The following ARHGAP24 variants were observed in gnomAD, a reference collection of about 807,000 sequenced individuals.
ARHGAP24 encodes the protein rho GTPase-activating protein 24.
In ARHGAP24, 50 loss-of-function variants were observed where a neutral mutation model predicts 76.4. That is an observed-to-expected ratio of 0.65 (90% CI 0.52 to 0.83). The LOEUF is 0.83. Ranked by LOEUF, ARHGAP24 falls within the 40% of genes least tolerant of loss-of-function variation. The probability of loss-of-function intolerance (pLI) is 0.00; values close to 1 mark genes in which losing one functional copy is unlikely to be tolerated. For synonymous variants in ARHGAP24, 345 were observed against 323.3 expected (o/e 1.07, Z -0.72); for missense variants, 930 against 914.2 (o/e 1.02, Z -0.22).
At chr4:85,537,148 C>G (rs961755485) in intron 1 of ARHGAP24, among the ~76,000 whole-genome samples, 2 of 152,106 alleles carry the variant, frequency 1.3e-5, no homozygotes, top group Non-Finnish European at 2.9e-5. Context: ...ATTCACACTT[C>G]AATCAATGGA....
At chr4:85,481,805 A>G (rs1211292005) in intron 1 of ARHGAP24, among the ~76,000 whole-genome samples, 2 of 152,186 alleles carry the variant, frequency 1.3e-5, no homozygotes, top group African/African-American at 4.8e-5. Flanking sequence ...TAAAACAAAA[A>G]AGGATGATTT....
chr4:85,672,662 G>A (rs776827572), intron 2 of ARHGAP24, among the ~76,000 whole-genome samples: 4 of 152,174 alleles, frequency 2.6e-5, no homozygotes, highest in Non-Finnish European at 5.9e-5. Flanking sequence ...CTGGGCTCTG[G>A]TGGTACAGGA....
At chr4:85,505,899 G>T (rs964328578) in intron 1 of ARHGAP24, among the ~76,000 whole-genome samples, 1 of 152,008 alleles carries the variant, frequency 6.6e-6, no homozygotes, top group African/African-American at 2.4e-5. Context: ...CCTACAGATG[G>T]GGTTTTGGTG....
chr4:85,894,980 A>C (rs9307012), intron 3 of ARHGAP24, among the ~76,000 whole-genome samples: 2 of 22,604 alleles, frequency 8.8e-5, no homozygotes, highest in Non-Finnish European at 1.9e-4. Flanking sequence ...AAAAAAAAAA[A>C]AAAAAAAACA....
intron 5 of ARHGAP24, among the ~76,000 whole-genome samples, chr4:85,943,534 C>T (rs556342319): frequency 3.9e-5 from 6 of 152,140 alleles, no homozygotes; most frequent in Non-Finnish European, 7.4e-5. Flanking sequence ...TAGGTATACA[C>T]GTGCCATGGT....
intron 1 of ARHGAP24, among the ~76,000 whole-genome samples, chr4:85,547,520 C>A (rs1322500796): frequency 6.6e-6 from 1 of 151,986 alleles, no homozygotes; most frequent in Non-Finnish European, 1.5e-5. Context: ...ACTGTAGTCT[C>A]GACCTCCCAG....
At position 85,689,756 on chromosome 4, in the gene ARHGAP24, G is replaced by A. The variant is rs539949897; in HGVS notation, c.181-32129G>A. Among the ~76,000 whole-genome samples, 5 of 152,254 alleles carry A rather than the reference G, an allele frequency of 3.3e-5. No homozygotes were observed. The South Asian group carries it at 6.2e-4, about 19-fold the overall frequency. Reference sequence around the variant, plus strand: ...CTAAAGTCATTTATTAGTTCTAGGAGCCTTTTGTCAGAGTCTTTAGGGTTT... The same window carrying A: ...CTAAAGTCATTTATTAGTTCTAGGAACCTTTTGTCAGAGTCTTTAGGGTTT... On this transcript the variant is annotated intron_variant, in intron 2 of 9. Coordinates refer to ENST00000395184, the MANE Select transcript of ARHGAP24 (RefSeq NM_001025616.3).
At chr4:85,497,026 A>G (rs1723611230) in intron 1 of ARHGAP24, among the ~76,000 whole-genome samples, 1 of 152,252 alleles carries the variant, frequency 6.6e-6, no homozygotes, top group South Asian at 2.1e-4. Context: ...GATATTTGGC[A>G]AATGCCCCGA....
At chr4:85,704,458 G>T (rs191921526) in intron 2 of ARHGAP24, among the ~76,000 whole-genome samples, 6 of 152,036 alleles carry the variant, frequency 3.9e-5, no homozygotes, top group Admixed American at 3.9e-4. Flanking sequence ...TGGAATGGAG[G>T]CCATCAAAAA....
intron 3 of ARHGAP24, among the ~76,000 whole-genome samples, chr4:85,869,635 C>A (rs981476302): frequency 2.0e-5 from 3 of 151,936 alleles, no homozygotes; most frequent in Non-Finnish European, 2.9e-5. Context: ...TTTTCCACAC[C>A]AAATTGGAGC....
chr4:85,682,575 G>T (rs999066403), intron 2 of ARHGAP24, among the ~76,000 whole-genome samples: 9 of 152,192 alleles, frequency 5.9e-5, no homozygotes, highest in African/African-American at 2.2e-4. Context: ...TGGAAATGCA[G>T]AATCATCAGT....
At chr4:85,949,691 C>CA (rs1213992142) in intron 5 of ARHGAP24, among the ~76,000 whole-genome samples, 1 of 152,174 alleles carries the variant, frequency 6.6e-6, no homozygotes, top group East Asian at 1.9e-4. Flanking sequence ...CCACTGCATA[C>CA]TCTTGGTCAA....
At chr4:85,522,853 C>A (rs565258910) in intron 1 of ARHGAP24, among the ~76,000 whole-genome samples, 1 of 152,282 alleles carries the variant, frequency 6.6e-6, no homozygotes, top group South Asian at 2.1e-4. Context: ...TGATTTGCCC[C>A]CACTTCAAGG....
intron 2 of ARHGAP24, among the ~76,000 whole-genome samples, chr4:85,577,169 T>C (rs1727411540): frequency 6.7e-6 from 1 of 150,094 alleles, no homozygotes; most frequent in Admixed American, 6.7e-5. Flanking sequence ...CTAATGTACC[T>C]ACAAGTATTA....
intron 3 of ARHGAP24, among the ~76,000 whole-genome samples, chr4:85,866,538 C>A (rs933575827): frequency 1.3e-5 from 2 of 152,016 alleles, no homozygotes; most frequent in Admixed American, 6.6e-5. Context: ...TGCTGGTTGT[C>A]AAGTCTATTT....
At chr4:85,516,588 A>AT (rs1198490350) in intron 1 of ARHGAP24, among the ~76,000 whole-genome samples, 1 of 148,868 alleles carries the variant, frequency 6.7e-6, no homozygotes, top group Non-Finnish European at 1.5e-5. Context: ...ATTTGTATGT[A>AT]TTTTTTTAAA....
intron 1 of ARHGAP24, among the ~76,000 whole-genome samples, chr4:85,544,322 T>C (rs1305811930): frequency 6.6e-6 from 1 of 152,244 alleles, no homozygotes; most frequent in Non-Finnish European, 1.5e-5. Flanking sequence ...TTTGTAACTA[T>C]GTTAAGCTTT....
intron 2 of ARHGAP24, among the ~76,000 whole-genome samples, chr4:85,700,701 G>A (rs7439720): frequency 0.64 from 97,705 of 151,906 alleles, 33,826 homozygotes; most frequent in Non-Finnish European, 0.79. Flanking sequence ...AACAAATCAA[G>A]GTTAGAAGTC....
intron 3 of ARHGAP24, among the ~76,000 whole-genome samples, chr4:85,842,972 C>T (rs952066388): frequency 1.3e-5 from 2 of 152,170 alleles, no homozygotes; most frequent in African/African-American, 4.8e-5. Context: ...AAATGAGATT[C>T]TGACTCAAAG....
Sources: allele counts gnomAD v4.1 joint callset (sites outside exome capture counted in the v4.1 genomes callset), GRCh38; gene constraint gnomAD v4.1.1; transcripts MANE v1.5; gene names NCBI Gene and HGNC (gene_info 2026-07-23, HGNC 2026-07-21).